Variants in NEBL observed in about 807,000 individuals in gnomAD.
NEBL encodes the protein LIM and SH3 protein 2.
NEBL carries 122 observed loss-of-function variants against 140.2 expected under a neutral mutation model. The ratio of observed to expected loss-of-function variants is 0.87; its 90% CI spans 0.75 to 1.01. The LOEUF is 1.01. NEBL is among the 50% of genes least tolerant of loss of function. The probability of loss-of-function intolerance (pLI) is 0.00; values close to 1 mark genes in which losing one functional copy is unlikely to be tolerated. For synonymous variants in NEBL, 436 were observed against 398.9 expected, an observed-to-expected ratio of 1.09 and a Z score of -1.11; for missense variants, 1,365 against 1,231.3, an observed-to-expected ratio of 1.11 and a Z score of -1.62.
chr10:21,287,472 G>C (rs537422761), intron 1 of NEBL, among the ~76,000 whole-genome samples: 4 of 152,156 alleles, frequency 2.6e-5, no homozygotes, highest in African/African-American at 9.7e-5. Context: ...GGAGGTGGAG[G>C]TTGCAGTGAA....
intron 9 of NEBL, among the ~76,000 whole-genome samples, chr10:20,857,915 T>C (rs1843249270): frequency 6.6e-6 from 1 of 152,128 alleles, no homozygotes; most frequent in South Asian, 2.1e-4. Context: ...AAAATATCCC[T>C]GACTTGAGAG....
intron 26 of NEBL, among the ~76,000 whole-genome samples, chr10:20,802,054 A>G (rs1332178848): frequency 6.6e-6 from 1 of 152,202 alleles, no homozygotes; most frequent in African/African-American, 2.4e-5. Flanking sequence ...CGTTTTCCGG[A>G]GGAAAACAGA....
intron 2 of NEBL, among the ~76,000 whole-genome samples, chr10:21,072,038 T>C (rs1328874026): frequency 1.3e-5 from 2 of 152,070 alleles, no homozygotes; most frequent in African/African-American, 2.4e-5. Flanking sequence ...GGCTGGTCTT[T>C]AACTCCTGAC....
chr10:20,833,734 C>T (rs978720405), intron 14 of NEBL, among the ~76,000 whole-genome samples: 3 of 145,176 alleles, frequency 2.1e-5, no homozygotes, highest in East Asian at 2.0e-4. Flanking sequence ...CCAGCCTGGG[C>T]GACAGAGCGA....
chr10:21,126,199 G>T, intron 2 of NEBL: 1 of 1,416,968 alleles, frequency 7.1e-7, no homozygotes, highest in Non-Finnish European at 9.7e-7. Context: ...ACCACATTTG[G>T]AATAATAACA....
intron 2 of NEBL, among the ~76,000 whole-genome samples, chr10:21,080,479 T>C (rs1256407668): frequency 3.3e-5 from 5 of 152,262 alleles, no homozygotes; most frequent in African/African-American, 1.2e-4. Context: ...GATTCATTCA[T>C]TGAATAATTC....
intron 4 of NEBL, among the ~76,000 whole-genome samples, chr10:20,927,471 C>T (rs958264752): frequency 6.6e-6 from 1 of 152,158 alleles, no homozygotes; most frequent in Non-Finnish European, 1.5e-5. Context: ...AAAGAGTTGA[C>T]TGTTAGCCTA....
chr10:21,135,377 A>G (rs1313606316), intron 2 of NEBL, among the ~76,000 whole-genome samples: 1 of 152,120 alleles, frequency 6.6e-6, no homozygotes, highest in Admixed American at 6.6e-5. Context: ...GGCTGTTTGA[A>G]GATCTAATTT....
upstream of NEBL, chr10:21,174,964 C>T (rs1439219791): frequency 6.6e-6 from 1 of 152,150 alleles, no homozygotes; most frequent in Non-Finnish European, 1.5e-5. Context: ...TGCAATTCAA[C>T]ACCGCAAAGA....
At chr10:21,061,119 A>C (rs9665716) in intron 2 of NEBL, among the ~76,000 whole-genome samples, 12,973 of 151,850 alleles carry the variant, frequency 0.085, 1,810 homozygotes, top group African/African-American at 0.29. Flanking sequence ...GTGTCCTCAT[A>C]AAAAGGGGAG....
At chr10:21,074,105 C>A (rs552016802) in intron 2 of NEBL, among the ~76,000 whole-genome samples, 1 of 152,116 alleles carries the variant, frequency 6.6e-6, no homozygotes, top group South Asian at 2.1e-4. Context: ...CTATAGTTAT[C>A]ATTTTGCTTT....
At chr10:21,279,529 G>A (rs140851097) in intron 1 of NEBL, among the ~76,000 whole-genome samples, 25 of 151,950 alleles carry the variant, frequency 1.6e-4, no homozygotes, top group East Asian at 3.9e-4. Context: ...CAGTTTGGGA[G>A]GCCAAGAAGG....
chr10:20,860,351 T>C (rs1194925956), intron 7 of NEBL, among the ~76,000 whole-genome samples: 1 of 152,016 alleles, frequency 6.6e-6, no homozygotes, highest in Non-Finnish European at 1.5e-5. Context: ...TTAATGTCAA[T>C]GTAAAACTTT....
At chr10:21,243,259 G>GC (rs1241966404) in intron 3 of NEBL, among the ~76,000 whole-genome samples, 1 of 150,684 alleles carries the variant, frequency 6.6e-6, no homozygotes, top group Non-Finnish European at 1.5e-5. Context: ...GCATGACCTA[G>GC]CCCCTCTGTA....
intron 2 of NEBL, chr10:21,126,172 T>C (rs768922133): frequency 6.4e-7 from 1 of 1,551,274 alleles, no homozygotes; most frequent in Non-Finnish European, 8.8e-7. Context: ...GTACCCCCCA[T>C]AGAAAGGAAA....
rs535324910 is a variant in NEBL, at chr10:21,239,745, C to T, written n.348+8176G>A. ...AAAAAATGCAGTAAGTGGCAGGGCGCGGTGGCTCACGCCTGTAATCCCAGC... is the reference window on the plus strand; with the variant it reads ...AAAAAATGCAGTAAGTGGCAGGGCGTGGTGGCTCACGCCTGTAATCCCAGC... On this transcript the variant is annotated intron_variant and non_coding_transcript_variant, in intron 3 of 8. Coordinates refer to the NEBL transcript ENST00000675702. Among the ~76,000 whole-genome samples, 45 of 152,222 alleles carry T rather than the reference C, an allele frequency of 3.0e-4. 3 individuals are homozygous for T. In the East Asian group the frequency reaches 8.3e-3, roughly 28 times the overall value.
At chr10:20,983,310 A>G (rs1375343040) in intron 3 of NEBL, among the ~76,000 whole-genome samples, 1 of 152,374 alleles carries the variant, frequency 6.6e-6, no homozygotes, top group Middle Eastern at 3.4e-3. Flanking sequence ...AATAATCACC[A>G]AATACACATA....
chr10:21,048,383 C>A (rs552768287), intron 2 of NEBL, among the ~76,000 whole-genome samples: 1 of 148,548 alleles, frequency 6.7e-6, no homozygotes, highest in African/African-American at 2.5e-5. Flanking sequence ...ATGGTTGCCA[C>A]TCAGAAAATC....
chr10:20,854,805 T>A (rs946740945), intron 9 of NEBL, among the ~76,000 whole-genome samples: 8 of 152,036 alleles, frequency 5.3e-5, no homozygotes. Flanking sequence ...CCTCAAGCCA[T>A]CCTCCTGCCT....
Sources: allele counts gnomAD v4.1 joint callset (sites outside exome capture counted in the v4.1 genomes callset), GRCh38; gene constraint gnomAD v4.1.1; transcripts MANE v1.5; gene names NCBI Gene and HGNC (gene_info 2026-07-23, HGNC 2026-07-21).